PPP1R12A: variants seen among roughly 807,000 people sequenced by gnomAD.
PPP1R12A encodes myosin binding subunit.
Under a neutral mutation model 139.6 loss-of-function variants are expected in PPP1R12A, and 19 were observed. That is an observed-to-expected ratio of 0.14 (90% CI 0.09 to 0.20). The LOEUF (loss-of-function observed/expected upper bound fraction) is 0.20, where lower values mean the gene tolerates loss of function less well. PPP1R12A is among the 10% of genes least tolerant of loss of function. PPP1R12A has a pLI of 1.00. For missense variants in PPP1R12A, 925 were observed against 1,211.5 expected, an observed-to-expected ratio of 0.76 and a Z score of 3.51; for synonymous variants, 427 against 420.6, an observed-to-expected ratio of 1.02 and a Z score of -0.19.
At chr12:79,892,382 G>T (rs1240530092) in intron 1 of PPP1R12A, among the ~76,000 whole-genome samples, 1 of 152,032 alleles carries the variant, frequency 6.6e-6, no homozygotes, top group Non-Finnish European at 1.5e-5. Flanking sequence ...TGATTAACAA[G>T]TAAAAACTAT....
chr12:79,913,227 T>C (rs530435880), intron 1 of PPP1R12A, among the ~76,000 whole-genome samples: 3 of 152,244 alleles, frequency 2.0e-5, no homozygotes, highest in African/African-American at 4.8e-5. Flanking sequence ...TTTTCCTTTA[T>C]GGGTAATAAT....
intron 8 of PPP1R12A, among the ~76,000 whole-genome samples, chr12:79,820,355 C>A (rs1372556982): frequency 2.0e-5 from 3 of 152,150 alleles, no homozygotes; most frequent in Non-Finnish European, 2.9e-5. Context: ...TTCCCCCACA[C>A]CCTCACAGGA....
At chr12:79,838,974 T>G (rs1878399574) in intron 3 of PPP1R12A, among the ~76,000 whole-genome samples, 1 of 152,172 alleles carries the variant, frequency 6.6e-6, no homozygotes, top group Non-Finnish European at 1.5e-5. Context: ...CACTGACACC[T>G]TGCACTGTGT....
chr12:79,913,093 T>C (rs1198043137), intron 1 of PPP1R12A, among the ~76,000 whole-genome samples: 1 of 152,264 alleles, frequency 6.6e-6, no homozygotes, highest in Non-Finnish European at 1.5e-5. Flanking sequence ...TTTGCATTTC[T>C]CTGGTGAATG....
At chr12:79,813,433 T>C (rs923865961) in intron 9 of PPP1R12A, among the ~76,000 whole-genome samples, 5 of 152,200 alleles carry the variant, frequency 3.3e-5, no homozygotes, top group African/African-American at 4.8e-5. Flanking sequence ...TGGACTACTT[T>C]ATATACCCAC....
At chr12:79,874,186 A>ATTGCCTGAACCCAGGAGGC (rs1882872046) in intron 1 of PPP1R12A, among the ~76,000 whole-genome samples, 1 of 151,868 alleles carries the variant, frequency 6.6e-6, no homozygotes, top group Non-Finnish European at 1.5e-5. Context: ...AGGCAGGAGA[A>ATTGCCTGAACCCAGGAGGC]TTGCCTGAAC....
intron 9 of PPP1R12A, among the ~76,000 whole-genome samples, chr12:79,816,721 A>C (rs1875437745): frequency 6.6e-6 from 1 of 152,208 alleles, no homozygotes; most frequent in African/African-American, 2.4e-5. Context: ...CACTCAGTTT[A>C]CTGGCCAGGC....
At chr12:79,819,630 T>C (rs907502325) in intron 8 of PPP1R12A, among the ~76,000 whole-genome samples, 1 of 152,078 alleles carries the variant, frequency 6.6e-6, no homozygotes, top group African/African-American at 2.4e-5. Flanking sequence ...AGGGAGGAGA[T>C]TAACTGCATA....
chr12:79,795,737 C>G lies in PPP1R12A; in HGVS notation c.2484G>C (p.Glu828Asp), dbSNP rs113668494. 6.2e-7 allele frequency: 1 copy of G among 1,610,970 alleles called. No homozygotes were observed. The highest frequency in any genetic ancestry group is 1.7e-5 in the Admixed American group (1 of 59,898). ...NEREGEKREE[E>D]KEGEDKSQPK... ...GTTGTGATTTATCTTCTCCTTCTTT[C>G]TCCTCTTCTCTTTTTTCTCCCTCTG... The change falls in exon 18 of 25, where the codon GAG (glutamate) becomes GAC (aspartate). Residue 828 changes from glutamate to aspartate, a missense_variant. By Grantham distance (45) the Glu-to-Asp change is conservative (BLOSUM62 2). Around this residue, in one of 4 missense-constraint regions of PPP1R12A, gnomAD observed 315 missense variants for 363.4 expected, o/e 0.87. Coordinates refer to ENST00000450142, the MANE Select transcript of PPP1R12A (RefSeq NM_002480.3).
At chr12:79,781,896 G>A (rs1044894614) in intron 22 of PPP1R12A, 34 bp from the exon 23 acceptor site, 39 of 1,371,136 alleles carry the variant, frequency 2.8e-5, no homozygotes, top group Non-Finnish European at 3.8e-5. Flanking sequence ...AAAGAGATAA[G>A]TGCAAAAAAG....
chr12:79,851,743 C>T (rs1457877696), intron 2 of PPP1R12A, among the ~76,000 whole-genome samples: 1 of 152,198 alleles, frequency 6.6e-6, no homozygotes, highest in Non-Finnish European at 1.5e-5. Flanking sequence ...TCTTTCTCCA[C>T]TTCTTCAGAG....
Position 79,846,074 on chromosome 12 carries a change from A to G in PPP1R12A, c.369-654T>C, listed in dbSNP as rs144628983. On this transcript the variant is annotated intron_variant, in intron 2 of 24. Transcript: ENST00000450142. The stretch of plus-strand genomic sequence containing the variant: ...ATTCAGAAGGTTCATAAAAAATTCA[A>G]TTAACACAGATACATTAAATTATTG... Among the ~76,000 whole-genome samples, 1,205 of 152,284 alleles carry G rather than the reference A, an allele frequency of 7.9e-3. 17 individuals are homozygous for G. Among genetic ancestry groups the G allele is most frequent in the African/African-American group, 0.027 (1,143 of 41,566 alleles).
chr12:79,930,775 A>AAAAAT (rs1452456897), intron 1 of PPP1R12A, among the ~76,000 whole-genome samples: 10 of 152,308 alleles, frequency 6.6e-5, no homozygotes, highest in Non-Finnish European at 7.3e-5. Flanking sequence ...TCCATCTCAA[A>AAAAAT]AAAATAAAAT....
At chr12:79,862,710 T>C (rs1270592836) in intron 2 of PPP1R12A, among the ~76,000 whole-genome samples, 1 of 151,682 alleles carries the variant, frequency 6.6e-6, no homozygotes, top group Admixed American at 6.6e-5. Context: ...GCAGAAGAAA[T>C]GATATCAGTG....
At chr12:79,879,873 TA>T (rs959603250) in intron 1 of PPP1R12A, among the ~76,000 whole-genome samples, 258 of 142,400 alleles carry the variant, frequency 1.8e-3, no homozygotes, top group Admixed American at 1.6e-3. Flanking sequence ...GTTAAAAAGT[TA>T]AAAAAAAAAA....
intron 21 of PPP1R12A, chr12:79,788,319 G>A (rs909528886): frequency 1.7e-5 from 3 of 179,480 alleles, no homozygotes; most frequent in African/African-American, 7.1e-5. Context: ...ATTATCTTAG[G>A]AAAAGCCATC....
chr12:79,785,176 G>T (rs937199894), intron 22 of PPP1R12A, among the ~76,000 whole-genome samples: 1 of 152,144 alleles, frequency 6.6e-6, no homozygotes. Context: ...TAGTTTTAAT[G>T]TGTATGACAC....
intron 20 of PPP1R12A, among the ~76,000 whole-genome samples, chr12:79,788,988 G>A (rs1347306610): frequency 6.6e-6 from 1 of 152,114 alleles, no homozygotes; most frequent in Non-Finnish European, 1.5e-5. Context: ...CCAGCTTGGA[G>A]TGCAGTGGCA....
Position 79,805,600 on chromosome 12 carries a change from C to T in PPP1R12A, c.1992G>A (p.Glu664=), listed in dbSNP as rs768173955. The change falls in exon 14 of 25, where the codon GAG becomes GAA. Residue 664 remains glutamate, a synonymous_variant. Transcript: ENST00000450142. The part of the protein sequence containing the change: ...GTVSSTTEVR[E]RRRSYLTPVR... ...TTATGACCTTTACACACCTGCGTCTCTCCCTGACCTCTGTTGTGGAGGAGA... is the reference window on the plus strand; with the variant it reads ...TTATGACCTTTACACACCTGCGTCTTTCCCTGACCTCTGTTGTGGAGGAGA... 1 of 1,613,712 alleles carries T rather than the reference C, an allele frequency of 6.2e-7. No individual in the cohort carries two copies. The highest frequency in any genetic ancestry group is 8.5e-7 in the Non-Finnish European group (1 of 1,179,732).
Sources: gnomAD v4.1 joint callset for allele counts (sites outside exome capture counted in the v4.1 genomes callset) on GRCh38, gnomAD v4.1.1 for gene constraint, gnomAD v4.1.1 regional missense constraint, MANE v1.5 for transcripts, NCBI Gene and HGNC (gene_info 2026-07-23, HGNC 2026-07-21) for gene names.